Variants in HSD11B1 observed in about 807,000 individuals in gnomAD.
The protein encoded by HSD11B1 is hydroxysteroid 11-beta dehydrogenase 1, also known as 11-beta-hydroxysteroid dehydrogenase 1.
HSD11B1 carries 15 observed loss-of-function variants against 22.1 expected under a neutral mutation model. The observed-to-expected ratio is 0.68, with a 90% CI of 0.45 to 1.04. HSD11B1 has a LOEUF of 1.04. HSD11B1 is among the 50% of genes least tolerant of loss of function. The probability of loss-of-function intolerance (pLI) is 0.00; values close to 1 mark genes in which losing one functional copy is unlikely to be tolerated. For synonymous variants in HSD11B1, 122 were observed against 125.2 expected (o/e 0.97, Z 0.17); for missense variants, 281 against 357.6 (o/e 0.79, Z 1.73).
At chr1:209,702,584 G>T (rs2076832176), upstream of HSD11B1, among the ~76,000 whole-genome samples, 1 of 152,168 alleles carries the variant, frequency 6.6e-6, no homozygotes, top group Non-Finnish European at 1.5e-5. Flanking sequence ...GACATTACCT[G>T]ACTTTTCCAG....
At chr1:209,722,692 G>A (rs1044119505) in intron 4 of HSD11B1, among the ~76,000 whole-genome samples, 2 of 152,136 alleles carry the variant, frequency 1.3e-5, no homozygotes, top group African/African-American at 4.8e-5. Flanking sequence ...AAAATGGGGG[G>A]CAGGATCCCA....
chr1:209,692,266 G>A (rs2076764508), intron 1 of HSD11B1, among the ~76,000 whole-genome samples: 1 of 152,106 alleles, frequency 6.6e-6, no homozygotes, highest in Non-Finnish European at 1.5e-5. Context: ...AGAATCACCT[G>A]GGGACTGTCA....
intron 4 of HSD11B1, among the ~76,000 whole-genome samples, chr1:209,709,797 G>A (rs1198022911): frequency 6.6e-6 from 1 of 152,196 alleles, no homozygotes; most frequent in Non-Finnish European, 1.5e-5. Context: ...GGGAACATGT[G>A]TCCAACTAAA....
intron 4 of HSD11B1, among the ~76,000 whole-genome samples, chr1:209,720,908 T>C (rs2076961074): frequency 1.3e-5 from 2 of 152,162 alleles, no homozygotes; most frequent in Admixed American, 6.5e-5. Flanking sequence ...CAGATGTAGT[T>C]AAGTTAAGGA....
At chr1:209,690,233 G>A (rs1202470920) in intron 1 of HSD11B1, among the ~76,000 whole-genome samples, 1 of 152,170 alleles carries the variant, frequency 6.6e-6, no homozygotes, top group East Asian at 1.9e-4. Flanking sequence ...TTGCACATAG[G>A]AGGTTGAGGC....
intron 4 of HSD11B1, among the ~76,000 whole-genome samples, chr1:209,729,475 T>C (rs1022014685): frequency 6.6e-6 from 1 of 152,056 alleles, no homozygotes; most frequent in African/African-American, 2.4e-5. Context: ...TCACCCAGGT[T>C]CCTTCCTTCT....
chr1:209,706,943 G>A lies in HSD11B1; in HGVS notation c.332G>A (p.Gly111Glu), dbSNP rs2076863566. ...QFVAQAGKLM[G>E]GLDMLILNHI... ...TTCTTAATATAGCCATCTCTTGCAGGAGGACTAGACATGCTCATTCTCAAC... is the reference window on the plus strand; with the variant it reads ...TTCTTAATATAGCCATCTCTTGCAGAAGGACTAGACATGCTCATTCTCAAC... The change falls in exon 4 of 6, where the codon GGA becomes GAA. Residue 111 changes from glycine (G) to glutamate (E), a missense_variant and splice_region_variant. Coordinates refer to ENST00000367027, the MANE Select transcript of HSD11B1 (RefSeq NM_005525.4). The surrounding 1 kb of genome is among the most constrained non-coding windows in gnomAD (Gnocchi z 4.0). The A allele has an allele frequency of 6.2e-7, 1 of 1,613,862 alleles. No homozygotes were observed.
At chr1:209,717,568 A>G (rs2076937601) in intron 4 of HSD11B1, among the ~76,000 whole-genome samples, 1 of 152,200 alleles carries the variant, frequency 6.6e-6, no homozygotes. Flanking sequence ...AAAGAGAAAG[A>G]AAATTGGCCA....
At position 209,689,526 on chromosome 1, in the gene HSD11B1, G is replaced by T. The variant is rs951596751; in HGVS notation, c.-49+3241G>T. 2.0e-5 allele frequency among the ~76,000 whole-genome samples: 3 copies of T among 152,210 alleles called. No individual in the cohort carries two copies. The East Asian group carries it at 5.8e-4, about 29-fold the overall frequency. ...AATTTAATCCCCAAGGTTGGAAGTG[G>T]GGCCTGATGTGAGGTGTTTGAGTCG... On this transcript the variant is annotated intron_variant, in intron 1 of 6. Transcript: ENST00000261465.
chr1:209,705,017 G>T lies in HSD11B1; in HGVS notation c.75G>T (p.Glu25Asp). 1 of 1,613,452 alleles carries T rather than the reference G, an allele frequency of 6.2e-7. No homozygotes were observed. Residue 25 changes from glutamate (E) to aspartate (D), a missense_variant, in exon 1 of 6, where the codon GAG becomes GAT. Coordinates refer to ENST00000367027, the MANE Select transcript of HSD11B1 (RefSeq NM_005525.4). ...FMAYYYYSANEEFRPEMLQGK... is the reference protein window; with the variant it reads ...FMAYYYYSANDEFRPEMLQGK... ...CCTACTACTACTATTCTGCAAACGAGGAATTCAGACCAGGTAAGTACCCAT... is the reference window on the plus strand; with the variant it reads ...CCTACTACTACTATTCTGCAAACGATGAATTCAGACCAGGTAAGTACCCAT...
rs1398335160 is a variant in HSD11B1 at position 209,705,845 on chromosome 1, G to T, written c.123G>T (p.Gly41=). 1 of 1,613,864 alleles carries T rather than the reference G, an allele frequency of 6.2e-7. No homozygotes were observed. Among genetic ancestry groups the T allele is most frequent in the East Asian group, 2.2e-5 (1 of 44,880 alleles). Residue 41 remains glycine, a synonymous_variant, in exon 2 of 6, where the codon GGG becomes GGT. Coordinates refer to ENST00000367027, the MANE Select transcript of HSD11B1 (RefSeq NM_005525.4). The part of the protein sequence containing the change: ...MLQGKKVIVT[G]ASKGIGREMA... ...AAGGAAAGAAAGTGATTGTCACAGG[G>T]GCCAGCAAAGGGATCGGAAGAGAGA...
At chr1:209,686,617 C>G (rs957296298) in intron 1 of HSD11B1, among the ~76,000 whole-genome samples, 8 of 151,746 alleles carry the variant, frequency 5.3e-5, no homozygotes, top group African/African-American at 1.9e-4. Context: ...TAAAAAGTGT[C>G]TGCATGTTCT....
In HSD11B1 at chr1:209,704,942, G is replaced by A. The variant is rs865818124; in HGVS notation, c.-1G>A. The A allele has an allele frequency of 6.2e-7, 1 of 1,613,328 alleles. No individual in the cohort carries two copies. ...GAGTCTTCAGGCCAGCTCCCTGTCG[G>A]ATGGCTTTTATGAAAAAATATCTCC... On this transcript the variant is annotated 5_prime_UTR_variant, in exon 1 of 6. Transcript: ENST00000367027.
chr1:209,687,737 C>T (rs2076736706), intron 1 of HSD11B1, among the ~76,000 whole-genome samples: 1 of 152,230 alleles, frequency 6.6e-6, no homozygotes, highest in Admixed American at 6.5e-5. Flanking sequence ...AGCTCATAAA[C>T]ACCGCAGCTG....
Position 209,692,610 on chromosome 1 carries a change from G to GGGC in HSD11B1, c.-49+6327_-49+6328insCGG, listed in dbSNP as rs1553286712. On this transcript the variant is annotated intron_variant, in intron 1 of 6. Coordinates refer to the HSD11B1 transcript ENST00000261465. ...AAGGAATCGGGTATTAAAATGGCGG[G>GGGC]GGGGGGGGTGGGGGCTCGGTTCTTG... Among the ~76,000 whole-genome samples, 13 of 119,756 alleles carry GGGC rather than the reference G, an allele frequency of 1.1e-4. 1 individual carries two copies. In the East Asian group the frequency reaches 2.7e-3, roughly 25 times the overall value. 78.6% of individuals were successfully genotyped at this position (119,756 alleles called of 152,430 possible). A position where few individuals can be genotyped will look rare whatever the true frequency, so the allele number is the denominator to read the frequency against.
chr1:209,708,236 G>A (rs934617084), intron 4 of HSD11B1, among the ~76,000 whole-genome samples: 1 of 152,280 alleles, frequency 6.6e-6, no homozygotes, highest in South Asian at 2.1e-4. Context: ...AGAAGGATGT[G>A]GCTGGAAAGT....
chr1:209,696,431 AAG>A (rs1340761351), intron 1 of HSD11B1, among the ~76,000 whole-genome samples: 1 of 152,176 alleles, frequency 6.6e-6, no homozygotes, highest in African/African-American at 2.4e-5. Flanking sequence ...AGGCCCTCAG[AAG>A]GAGAGGGTTT....
intron 4 of HSD11B1, among the ~76,000 whole-genome samples, chr1:209,728,588 T>C (rs1249328953): frequency 6.6e-6 from 1 of 152,142 alleles, no homozygotes; most frequent in East Asian, 1.9e-4. Flanking sequence ...ATAAGGAAAA[T>C]TATTGACATA....
At chr1:209,692,973 T>C (rs1191695363) in intron 1 of HSD11B1, among the ~76,000 whole-genome samples, 1 of 152,200 alleles carries the variant, frequency 6.6e-6, no homozygotes, top group Non-Finnish European at 1.5e-5. Flanking sequence ...TTTAAGTCTC[T>C]CTCCCTCCCT....
Sources: allele counts gnomAD v4.1 joint callset (sites outside exome capture counted in the v4.1 genomes callset), GRCh38; gene constraint gnomAD v4.1.1; non-coding constraint Gnocchi (gnomAD v3.1); transcripts MANE v1.5; gene names NCBI Gene and HGNC (gene_info 2026-07-23, HGNC 2026-07-21).